GIPC3: variants seen among roughly 807,000 people sequenced by gnomAD.
The protein encoded by GIPC3 is PDZ domain-containing protein GIPC3.
GIPC3 carries 16 observed loss-of-function variants against 27.3 expected under a neutral mutation model. The observed-to-expected ratio is 0.59, with a 90% confidence interval of 0.40 to 0.89. GIPC3 has a LOEUF of 0.89. GIPC3 is among the 40% of genes least tolerant of loss of function. The pLI, the probability that GIPC3 is intolerant of heterozygous loss-of-function variation, is 0.00. For missense variants in GIPC3, 440 were observed against 442.1 expected, an observed-to-expected ratio of 1.00 and a Z score of 0.04; for synonymous variants, 194 against 184.6, an observed-to-expected ratio of 1.05 and a Z score of -0.41.
Position 3,590,070 on chromosome 19 carries a change from A to G in GIPC3, c.819A>G (p.Thr273=), listed in dbSNP as rs150473379. The change falls in exon 6 of 6, where the codon ACA becomes ACG. Residue 273 remains threonine (T), a synonymous_variant. Coordinates refer to ENST00000644452, the MANE Select transcript of GIPC3 (RefSeq NM_133261.3). Reference sequence around the variant, plus strand: ...CCATGGTGGAGACGTCCAAGAAGACAGCGAGCGCCCAGGAGTTTGCACGCT... The same window carrying G: ...CCATGGTGGAGACGTCCAAGAAGACGGCGAGCGCCCAGGAGTTTGCACGCT... ...ASTMVETSKK[T]ASAQEFARCL... 1.9e-5 allele frequency: 31 copies of G among 1,611,744 alleles called. No individual in the cohort carries two copies. The highest frequency in any genetic ancestry group is 8.5e-7 in the Non-Finnish European group (1 of 1,179,172).
chr19:3,588,014 C>CT (rs2032408862), intron 3 of GIPC3, among the ~76,000 whole-genome samples: 1 of 150,992 alleles, frequency 6.6e-6, no homozygotes, highest in Non-Finnish European at 1.5e-5. Context: ...TAATTTTTTT[C>CT]TTTTTTTGAG....
In GIPC3 at chr19:3,590,457, A is replaced by G. The variant is rs1025782405; in HGVS notation, c.*267A>G. ...TTCTAAAACTCAGGCCAGCCCTGAG[A>G]CCAAGCCCAGCTCTAGAACTCAGAT... On this transcript the variant is annotated 3_prime_UTR_variant, in exon 6 of 6. Coordinates refer to ENST00000644452, the MANE Select transcript of GIPC3 (RefSeq NM_133261.3). 1.4e-6 allele frequency: 2 copies of G among 1,423,794 alleles called. No homozygotes were observed. Among genetic ancestry groups the G allele is most frequent in the Admixed American group, 3.0e-5 (1 of 33,802 alleles). The allele number at this position is 1,423,794 out of a possible 1,614,324, so 88.2% of individuals were successfully genotyped here. A position where few individuals can be genotyped will look rare whatever the true frequency, so the allele number is the denominator to read the frequency against.
chr19:3,590,877 C>T lies in GIPC3; in HGVS notation c.*687C>T. The stretch of plus-strand genomic sequence containing the variant: ...AACTCAGATGGGCTCCGAGACCAAG[C>T]CCAGCTCTAGAACCCAGATGAGCTC... On this transcript the variant is annotated 3_prime_UTR_variant, in exon 6 of 6. Transcript: ENST00000644452. The T allele has an allele frequency of 1.6e-6, 2 of 1,236,236 alleles. No homozygotes were observed. The highest frequency in any genetic ancestry group is 2.0e-6 in the Non-Finnish European group (2 of 990,590). The allele number at this position is 1,236,236 out of a possible 1,614,324, so 76.6% of individuals were successfully genotyped here. A position where few individuals can be genotyped will look rare whatever the true frequency, so the allele number is the denominator to read the frequency against.
chr19:3,585,698 G>GC lies in GIPC3; in HGVS notation c.104dup (p.Arg36AlafsTer82). ...GAGCCCCCGGCCGCGCCCCGCGCCC[G>GC]CCCGCGCCTCGTCTTCCGCACGCAG... On this transcript the variant is annotated frameshift_variant, in exon 1 of 6. Transcript: ENST00000644452. LOFTEE classifies it high-confidence loss of function. The GC allele has an allele frequency of 7.0e-7, 1 of 1,434,404 alleles. No homozygotes were observed. The highest frequency in any genetic ancestry group is 1.4e-5 in the South Asian group (1 of 71,632). 88.9% of individuals were successfully genotyped at this position (1,434,404 alleles called of 1,614,324 possible).
chr19:3,591,396 C>A lies in GIPC3; in HGVS notation c.*1206C>A, dbSNP rs1369661464. The A allele has an allele frequency of 3.1e-5, 38 of 1,232,224 alleles. No individual in the cohort carries two copies. Among genetic ancestry groups the A allele is most frequent in the Non-Finnish European group, 3.8e-5 (38 of 988,222 alleles). The allele number at this position is 1,232,224 out of a possible 1,614,324, so 76.3% of individuals were successfully genotyped here. A position where few individuals can be genotyped will look rare whatever the true frequency, so the allele number is the denominator to read the frequency against. Reference sequence around the variant, plus strand: ...GGAGACCAATCCCAGTTCCAGAATCCAGGCTAGCTCGGAGACCAAGCCCTG... The same window carrying A: ...GGAGACCAATCCCAGTTCCAGAATCAAGGCTAGCTCGGAGACCAAGCCCTG... On this transcript the variant is annotated 3_prime_UTR_variant, in exon 6 of 6. Coordinates refer to ENST00000644452, the MANE Select transcript of GIPC3 (RefSeq NM_133261.3).
Position 3,590,362 on chromosome 19 carries a change from C to A in GIPC3, c.*172C>A, listed in dbSNP as rs1296407498. On this transcript the variant is annotated 3_prime_UTR_variant, in exon 6 of 6. Transcript: ENST00000644452. Reference sequence around the variant, plus strand: ...CCCTTCTCTAGAATCCAGCCCAGATCTGAGGCCAAGCTATGTGCTAGAGCC... The same window carrying A: ...CCCTTCTCTAGAATCCAGCCCAGATATGAGGCCAAGCTATGTGCTAGAGCC... 9.0e-6 allele frequency: 13 copies of A among 1,439,396 alleles called. No individual in the cohort carries two copies. The highest frequency in any genetic ancestry group is 1.4e-5 in the African/African-American group (1 of 69,816). 89.2% of individuals were successfully genotyped at this position (1,439,396 alleles called of 1,614,324 possible). A position where few individuals can be genotyped will look rare whatever the true frequency, so the allele number is the denominator to read the frequency against.
In GIPC3 at chr19:3,585,729, G is replaced by T; in HGVS notation, c.132G>T (p.Ala44=). ...RPRLVFRTQL[A]HGSPTGKIEG... is the part of the protein sequence containing the mutation. ...GCCTCGTCTTCCGCACGCAGCTGGC[G>T]CACGGGAGCCCCACGGGCAAGATCG... Residue 44 remains alanine, a synonymous_variant, in exon 1 of 6, where the codon GCG becomes GCT. Transcript: ENST00000644452. 2 of 1,531,040 alleles carry T rather than the reference G, an allele frequency of 1.3e-6. No homozygotes were observed. The highest frequency in any genetic ancestry group is 1.8e-6 in the Non-Finnish European group (2 of 1,138,350). 94.8% of individuals were successfully genotyped at this position (1,531,040 alleles called of 1,614,324 possible).
chr19:3,587,327 G>T (rs2032391478), intron 3 of GIPC3, among the ~76,000 whole-genome samples: 1 of 152,042 alleles, frequency 6.6e-6, no homozygotes, highest in South Asian at 2.1e-4. Flanking sequence ...TGTTGCCTGG[G>T]CTGGAGTGCA....
In GIPC3 at chr19:3,585,622, G is replaced by GCCCGGGGGA; in HGVS notation, c.28_36dup (p.Arg10_Thr12dup). 1 of 1,169,654 alleles carries GCCCGGGGGA rather than the reference G, an allele frequency of 8.5e-7. No individual in the cohort carries two copies. The allele number at this position is 1,169,654 out of a possible 1,614,324, so 72.5% of individuals were successfully genotyped here. On this transcript the variant is annotated inframe_insertion, in exon 1 of 6. Coordinates refer to ENST00000644452, the MANE Select transcript of GIPC3 (RefSeq NM_133261.3). The stretch of plus-strand genomic sequence containing the variant: ...CATGGAGGGAGCAGCGGCCCGGGAG[G>GCCCGGGGGA]CCCGGGGGACCGAGACCCCGCGCGC...
intron 3 of GIPC3, among the ~76,000 whole-genome samples, chr19:3,588,509 C>G (rs560336471): frequency 6.6e-6 from 1 of 151,840 alleles, no homozygotes; most frequent in African/African-American, 2.4e-5. Context: ...TCTGCCCTGC[C>G]GTGGCTGTGA....
rs903911899 is a variant in GIPC3 at position 3,590,730 on chromosome 19, A to G, written c.*540A>G. 2.0e-5 allele frequency: 21 copies of G among 1,028,426 alleles called. No homozygotes were observed. The highest frequency in any genetic ancestry group is 3.5e-4 in the Middle Eastern group (1 of 2,834). The allele number at this position is 1,028,426 out of a possible 1,614,324, so 63.7% of individuals were successfully genotyped here. A position where few individuals can be genotyped will look rare whatever the true frequency, so the allele number is the denominator to read the frequency against. On this transcript the variant is annotated 3_prime_UTR_variant, in exon 6 of 6. Coordinates refer to ENST00000644452, the MANE Select transcript of GIPC3 (RefSeq NM_133261.3). ...TAAAACTCAGATGGGCTCTGAGACC[A>G]TGCCCAGCTCTAGAACTCAGATGGG...
At chr19:3,588,802 G>A (rs1219635867) in intron 3 of GIPC3, among the ~76,000 whole-genome samples, 1 of 152,012 alleles carries the variant, frequency 6.6e-6, no homozygotes, top group African/African-American at 2.4e-5. Flanking sequence ...AAATTAGCTG[G>A]GCATGGTGGC....
rs938326691 is a variant in GIPC3 at position 3,591,760 on chromosome 19, C to G, written c.*1570C>G. 4.1e-6 allele frequency: 5 copies of G among 1,233,030 alleles called. No homozygotes were observed. The African/African-American group carries it at 7.8e-5, about 19-fold the overall frequency. 76.4% of individuals were successfully genotyped at this position (1,233,030 alleles called of 1,614,324 possible). ...ACTGAGCCCAGCTCTAGAACCTCGC[C>G]TAGTGCTACAACCAGGCCCAACTCC... On this transcript the variant is annotated 3_prime_UTR_variant, in exon 6 of 6. Transcript: ENST00000644452.
Position 3,585,839 on chromosome 19 carries a change from C to T in GIPC3, c.225+17C>T, listed in dbSNP as rs1406874191. 1.3e-6 allele frequency: 2 copies of T among 1,538,848 alleles called. No individual in the cohort carries two copies. Among genetic ancestry groups the T allele is most frequent in the East Asian group, 2.5e-5 (1 of 40,348 alleles). On this transcript the variant is annotated intron_variant, in intron 1 of 5. Coordinates refer to ENST00000644452, the MANE Select transcript of GIPC3 (RefSeq NM_133261.3). ...CCCACCGAGGTAAGGAGCCCGGACA[C>T]CGGCGCCCAAGACCACCCGCCTGAT...
In GIPC3 at chr19:3,585,841, G is replaced by T. The variant is rs770407304; in HGVS notation, c.225+19G>T. The stretch of plus-strand genomic sequence containing the variant: ...CACCGAGGTAAGGAGCCCGGACACC[G>T]GCGCCCAAGACCACCCGCCTGATGG... On this transcript the variant is annotated intron_variant, in intron 1 of 5. Coordinates refer to ENST00000644452, the MANE Select transcript of GIPC3 (RefSeq NM_133261.3). The T allele has an allele frequency of 6.5e-7, 1 of 1,537,868 alleles. No individual in the cohort carries two copies.
chr19:3,589,503 G>A lies in GIPC3; in HGVS notation c.653G>A (p.Gly218Glu). 6.2e-7 allele frequency: 1 copy of A among 1,614,104 alleles called. No homozygotes were observed. Among genetic ancestry groups the A allele is most frequent in the African/African-American group, 1.3e-5 (1 of 75,042 alleles). The change falls in exon 4 of 6, where the codon GGG becomes GAG. Residue 218 changes from glycine (G) to glutamate (E), a missense_variant. Physicochemically the swap from Gly to Glu is moderately conservative, Grantham distance 98 (BLOSUM62 -2). Coordinates refer to ENST00000644452, the MANE Select transcript of GIPC3 (RefSeq NM_133261.3). ...KCPVEAKVTS[G>E]RETLRLRSGG... ...CCAGTAGAGGCGAAAGTGACCAGCG[G>A]GAGGGAGACCCTGCGGCTTCGTTCT...
In GIPC3 at chr19:3,589,855, T is replaced by A. The variant is rs1346447603; in HGVS notation, c.730T>A (p.Ser244Thr). The A allele has an allele frequency of 6.2e-7, 1 of 1,613,816 alleles. No homozygotes were observed. Among genetic ancestry groups the A allele is most frequent in the Non-Finnish European group, 8.5e-7 (1 of 1,180,012 alleles). ...GCCCAGTGAGTTTGAGGAGGAGGCA[T>A]CTCGGAAGGTTGATGACCTGCTGGA... Reference protein sequence around the residue: ...EAPSEFEEEASRKVDDLLESY... With the variant: ...EAPSEFEEEATRKVDDLLESY... The change falls in exon 5 of 6, where the codon TCT (serine) becomes ACT (threonine). Residue 244 changes from serine (S) to threonine (T), a missense_variant. Ser to Thr is a moderately conservative substitution (Grantham distance 58). Coordinates refer to ENST00000644452, the MANE Select transcript of GIPC3 (RefSeq NM_133261.3).
chr19:3,587,406 C>T (rs1271973695), intron 3 of GIPC3, among the ~76,000 whole-genome samples: 1 of 152,054 alleles, frequency 6.6e-6, no homozygotes, highest in Non-Finnish European at 1.5e-5. Context: ...CTCAGCCTCC[C>T]GAGTAGCTGG....
chr19:3,586,215 G>A (rs573367968), intron 1 of GIPC3, among the ~76,000 whole-genome samples: 1 of 152,254 alleles, frequency 6.6e-6, no homozygotes, highest in South Asian at 2.1e-4. Context: ...GGGGTTCCTG[G>A]GCGTTTTTCC....
Sources: gnomAD v4.1 joint callset for allele counts (sites outside exome capture counted in the v4.1 genomes callset) on GRCh38, gnomAD v4.1.1 for gene constraint, MANE v1.5 for transcripts, NCBI Gene and HGNC (gene_info 2026-07-23, HGNC 2026-07-21) for gene names.